SYN3: variants seen among roughly 807,000 people sequenced by gnomAD.
The protein encoded by SYN3 is synapsin-3.
A neutral mutation model predicts 65.8 loss-of-function variants in SYN3; 35 were observed. That is an observed-to-expected ratio of 0.53 (90% CI 0.41 to 0.70). The LOEUF (loss-of-function observed/expected upper bound fraction) is 0.70. Among genes scored for constraint, SYN3 ranks in the 30% least tolerant of loss-of-function variants. SYN3 has a pLI of 0.00. For synonymous variants in SYN3, 270 were observed against 292.9 expected, an observed-to-expected ratio of 0.92 and a Z score of 0.80; for missense variants, 680 against 749.0, an observed-to-expected ratio of 0.91 and a Z score of 1.08.
intron 7 of SYN3, among the ~76,000 whole-genome samples, chr22:32,594,267 A>AG (rs1467508631): frequency 2.0e-5 from 3 of 152,160 alleles, no homozygotes; most frequent in South Asian, 4.1e-4. Context: ...GGGATACAGC[A>AG]GTGGAAAACC....
rs111323968 is a variant in SYN3, at chr22:32,906,633, T to C, written c.461+24757A>G. ...TTTAAGTCCTGCATGCATTAGGCAT[T>C]TGTCCTAATGCTCACCCTCCCCTTG... On this transcript the variant is annotated intron_variant, in intron 4 of 13. Transcript: ENST00000358763. Among the ~76,000 whole-genome samples the C allele has an allele frequency of 7.9e-3, 1,202 of 152,228 alleles. 21 individuals carry two copies. The highest frequency in any genetic ancestry group is 0.028 in the African/African-American group (1,166 of 41,520).
intron 6 of SYN3, among the ~76,000 whole-genome samples, chr22:32,651,569 T>G (rs747589845): frequency 3.9e-5 from 6 of 151,954 alleles, no homozygotes; most frequent in Non-Finnish European, 7.4e-5. Context: ...CATGCTTGAA[T>G]GAATGAATGA....
intron 6 of SYN3, among the ~76,000 whole-genome samples, chr22:32,678,103 T>C (rs1417389711): frequency 2.6e-5 from 4 of 152,166 alleles, no homozygotes; most frequent in African/African-American, 7.2e-5. Context: ...GATTTGGCAA[T>C]TGGATAGGCA....
chr22:32,545,500 T>C (rs748822453), intron 7 of SYN3, among the ~76,000 whole-genome samples: 1 of 152,158 alleles, frequency 6.6e-6, no homozygotes, highest in Non-Finnish European at 1.5e-5. Flanking sequence ...TGAGTGGTTG[T>C]GCACTGGGGT....
At chr22:32,689,302 C>T (rs1008561812) in intron 6 of SYN3, among the ~76,000 whole-genome samples, 1 of 152,152 alleles carries the variant, frequency 6.6e-6, no homozygotes, top group African/African-American at 2.4e-5. Context: ...CCAGACAGAC[C>T]TGGTTTGAAT....
intron 4 of SYN3, among the ~76,000 whole-genome samples, chr22:32,886,369 T>C (rs142982961): frequency 1.3e-5 from 2 of 152,038 alleles, no homozygotes; most frequent in Non-Finnish European, 2.9e-5. Flanking sequence ...GAATTAGGGG[T>C]CATGCATAAA....
chr22:33,049,039 A>G (rs2054117024), intron 1 of SYN3, among the ~76,000 whole-genome samples: 1 of 152,226 alleles, frequency 6.6e-6, no homozygotes. Context: ...ATTACTATTC[A>G]GGGTTTCATA....
chr22:32,909,695 A>C (rs2146572598), intron 4 of SYN3, among the ~76,000 whole-genome samples: 1 of 141,004 alleles, frequency 7.1e-6, no homozygotes, highest in African/African-American at 2.6e-5. Context: ...GAATTTCCAA[A>C]CACTGTTGGT....
chr22:32,610,643 C>T lies in SYN3; in HGVS notation c.712-13907G>A, dbSNP rs189563378. Among the ~76,000 whole-genome samples, 9 of 135,478 alleles carry T rather than the reference C, an allele frequency of 6.6e-5. No individual in the cohort carries two copies. In the East Asian group the frequency reaches 1.1e-3, roughly 17 times the overall value. 88.9% of individuals were successfully genotyped at this position (135,478 alleles called of 152,430 possible). On this transcript the variant is annotated intron_variant, in intron 6 of 13. Transcript: ENST00000358763. The stretch of plus-strand genomic sequence containing the variant: ...TGTTGCCCAGGCTGAAGTGCAATCA[C>T]GCAATCTTGGCTCACCGCAACCTCC...
intron 6 of SYN3, among the ~76,000 whole-genome samples, chr22:32,709,521 T>C (rs558162202): frequency 3.9e-5 from 6 of 152,188 alleles, no homozygotes; most frequent in Non-Finnish European, 8.8e-5. Flanking sequence ...AAAACACCAT[T>C]TCATCAGGTT....
At chr22:32,671,451 T>A (rs1305490880) in intron 6 of SYN3, among the ~76,000 whole-genome samples, 5 of 151,694 alleles carry the variant, frequency 3.3e-5, no homozygotes, top group African/African-American at 1.2e-4. Flanking sequence ...ACACCCTCCC[T>A]CACACACACA....
intron 6 of SYN3, among the ~76,000 whole-genome samples, chr22:32,785,549 G>A (rs373023279): frequency 6.6e-6 from 1 of 152,194 alleles, no homozygotes; most frequent in Non-Finnish European, 1.5e-5. Flanking sequence ...TCTTCTGCAA[G>A]GATTTCAAAT....
chr22:32,587,239 AAAAAG>A (rs1381900327), intron 7 of SYN3, among the ~76,000 whole-genome samples: 1 of 150,608 alleles, frequency 6.6e-6, no homozygotes, highest in Non-Finnish European at 1.5e-5. Context: ...AAAAAAAAAA[AAAAAG>A]AGAGAGAGAA....
At chr22:32,942,613 T>A (rs2146767887) in intron 3 of SYN3, among the ~76,000 whole-genome samples, 1 of 152,294 alleles carries the variant, frequency 6.6e-6, no homozygotes, top group South Asian at 2.1e-4. Context: ...TTTGACGAGT[T>A]GAGTGAAGAA....
At chr22:32,935,278 T>A (rs1212930928) in intron 3 of SYN3, among the ~76,000 whole-genome samples, 2 of 138,438 alleles carry the variant, frequency 1.4e-5, no homozygotes, top group African/African-American at 5.0e-5. Context: ...TCATTCTCTC[T>A]CTCTCTTTCT....
intron 1 of SYN3, among the ~76,000 whole-genome samples, chr22:33,054,153 T>A (rs192776125): frequency 1.3e-5 from 2 of 152,152 alleles, no homozygotes; most frequent in African/African-American, 4.8e-5. Context: ...CCTCTCTCTC[T>A]CACACTCGAA....
intron 1 of SYN3, among the ~76,000 whole-genome samples, 198 bp downstream of exon 1, chr22:33,058,094 A>C (rs2145996807): frequency 6.6e-6 from 1 of 152,084 alleles, no homozygotes; most frequent in Non-Finnish European, 1.5e-5. Flanking sequence ...CGGCAGCGGC[A>C]GCCTGGGGAG....
chr22:32,951,942 A>G (rs1165274074), intron 3 of SYN3, among the ~76,000 whole-genome samples: 1 of 152,162 alleles, frequency 6.6e-6, no homozygotes, highest in Non-Finnish European at 1.5e-5. Flanking sequence ...GATGGCAGAC[A>G]CTTGGCAGGT....
chr22:32,942,656 G>A (rs2050976656), intron 3 of SYN3, among the ~76,000 whole-genome samples: 1 of 152,184 alleles, frequency 6.6e-6, no homozygotes, highest in Non-Finnish European at 1.5e-5. Flanking sequence ...CTGAGCTAAA[G>A]GAGGAAGTTC....
Sources: gnomAD v4.1 joint callset for allele counts (sites outside exome capture counted in the v4.1 genomes callset) on GRCh38, gnomAD v4.1.1 for gene constraint, MANE v1.5 for transcripts, NCBI Gene and HGNC (gene_info 2026-07-23, HGNC 2026-07-21) for gene names.